Variants in ADGRL3 observed in about 807,000 individuals in gnomAD.
ADGRL3 encodes the protein adhesion G protein-coupled receptor L3.
In ADGRL3, 62 loss-of-function variants were observed where a neutral mutation model predicts 153.5. That is an observed-to-expected ratio of 0.40 (90% confidence interval 0.33 to 0.50). The LOEUF (loss-of-function observed/expected upper bound fraction) is 0.50, where lower values mean the gene tolerates loss of function less well. ADGRL3 is among the 20% of genes least tolerant of loss of function. The pLI is 0.47. For missense variants in ADGRL3, 1,641 were observed against 1,859.4 expected (o/e 0.88, Z 2.16); for synonymous variants, 710 against 672.5 (o/e 1.06, Z -0.86).
intron 1 of ADGRL3, among the ~76,000 whole-genome samples, chr4:61,364,634 T>C (rs1443131037): frequency 2.0e-5 from 3 of 152,134 alleles, no homozygotes; most frequent in African/African-American, 7.2e-5. Flanking sequence ...AGAATAACTA[T>C]TGTAAGATAA....
chr4:61,928,298 C>T (rs951308045), intron 13 of ADGRL3, among the ~76,000 whole-genome samples: 1 of 152,068 alleles, frequency 6.6e-6, no homozygotes, highest in Non-Finnish European at 1.5e-5. Flanking sequence ...CATCAACTTG[C>T]TCATTATGTA....
intron 9 of ADGRL3, among the ~76,000 whole-genome samples, chr4:61,847,448 A>C (rs937941260): frequency 6.7e-6 from 1 of 149,346 alleles, no homozygotes; most frequent in Non-Finnish European, 1.5e-5. Context: ...AATGTCTGCA[A>C]ACCTAAGGGG....
intron 11 of ADGRL3, among the ~76,000 whole-genome samples, chr4:61,898,982 C>A (rs1367175534): frequency 6.7e-6 from 1 of 150,078 alleles, no homozygotes; most frequent in Non-Finnish European, 1.5e-5. Flanking sequence ...CCTTACTGTA[C>A]ACATGGCTGG....
intron 25 of ADGRL3, among the ~76,000 whole-genome samples, chr4:62,061,446 A>C (rs1740109690): frequency 6.6e-6 from 1 of 151,946 alleles, no homozygotes; most frequent in African/African-American, 2.4e-5. Context: ...AGATTTCTTT[A>C]GTTTAACCTG....
chr4:62,047,864 G>A (rs966853620), intron 25 of ADGRL3, among the ~76,000 whole-genome samples: 2 of 152,100 alleles, frequency 1.3e-5, no homozygotes, highest in African/African-American at 4.8e-5. Context: ...CTACTATCAA[G>A]TTAACTTTAG....
At chr4:61,987,902 T>C (rs1239847666) in intron 19 of ADGRL3, among the ~76,000 whole-genome samples, 1 of 152,092 alleles carries the variant, frequency 6.6e-6, no homozygotes, top group African/African-American at 2.4e-5. Flanking sequence ...ATACTGACAA[T>C]GAGGTTTTAT....
At chr4:61,779,260 C>T (rs1455136301) in intron 8 of ADGRL3, among the ~76,000 whole-genome samples, 1 of 151,832 alleles carries the variant, frequency 6.6e-6, no homozygotes, top group African/African-American at 2.4e-5. Context: ...TTTTTAAGGA[C>T]TGTTACAAAG....
chr4:61,644,406 T>G (rs765612147), intron 5 of ADGRL3, among the ~76,000 whole-genome samples: 1 of 152,170 alleles, frequency 6.6e-6, no homozygotes, highest in Non-Finnish European at 1.5e-5. Context: ...AGATCTTTCC[T>G]GCTTTCTCTT....
intron 4 of ADGRL3, among the ~76,000 whole-genome samples, chr4:61,555,456 T>G (rs529515384): frequency 6.6e-6 from 1 of 152,320 alleles, no homozygotes; most frequent in African/African-American, 2.4e-5. Flanking sequence ...TTCATTCTAC[T>G]TCTGTTTCAG....
At chr4:61,595,693 C>A (rs1258341568) in intron 5 of ADGRL3, among the ~76,000 whole-genome samples, 3 of 152,146 alleles carry the variant, frequency 2.0e-5, no homozygotes, top group Non-Finnish European at 4.4e-5. Flanking sequence ...TCACATGCCA[C>A]CCAAGTTCAC....
intron 5 of ADGRL3, among the ~76,000 whole-genome samples, chr4:61,593,973 T>C (rs1390998986): frequency 1.3e-5 from 2 of 152,126 alleles, no homozygotes; most frequent in African/African-American, 4.8e-5. Flanking sequence ...TTTCTAGGCA[T>C]GCTTATTGGT....
chr4:61,849,521 C>A (rs1237506606), intron 9 of ADGRL3, among the ~76,000 whole-genome samples: 2 of 151,814 alleles, frequency 1.3e-5, no homozygotes, highest in African/African-American at 2.4e-5. Context: ...AAACTGGATC[C>A]ATTTTCTCCC....
chr4:61,996,890 C>A (rs2099123541), intron 20 of ADGRL3, among the ~76,000 whole-genome samples: 1 of 151,978 alleles, frequency 6.6e-6, no homozygotes, highest in African/African-American at 2.4e-5. Context: ...GTTTTTAGAT[C>A]CATAATATTC....
At chr4:61,236,008 C>CTTTTCTT (rs1752657239) in intron 1 of ADGRL3, among the ~76,000 whole-genome samples, 1 of 95,852 alleles carries the variant, frequency 1.0e-5, no homozygotes, top group African/African-American at 4.1e-5. Flanking sequence ...CTTTTCTTTT[C>CTTTTCTT]TTTTTTTTTT....
intron 9 of ADGRL3, among the ~76,000 whole-genome samples, chr4:61,867,594 C>G (rs112162660): frequency 7.6e-5 from 11 of 143,822 alleles, no homozygotes; most frequent in African/African-American, 2.8e-4. Context: ...ACTGAGATCC[C>G]TATAACAAAA....
chr4:61,847,650 A>T (rs1428052139), intron 9 of ADGRL3, among the ~76,000 whole-genome samples: 26 of 64,908 alleles, frequency 4.0e-4, no homozygotes, highest in African/African-American at 1.4e-3. Context: ...ATATAATATA[A>T]AATATATTAT....
At chr4:61,883,963 G>A (rs774889865) in intron 9 of ADGRL3, among the ~76,000 whole-genome samples, 1 of 152,110 alleles carries the variant, frequency 6.6e-6, no homozygotes, top group Non-Finnish European at 1.5e-5. Flanking sequence ...AACAGAGTTT[G>A]TGTATTTCTC....
intron 5 of ADGRL3, among the ~76,000 whole-genome samples, chr4:61,672,449 A>G (rs566506301): frequency 6.6e-6 from 1 of 152,130 alleles, no homozygotes; most frequent in Non-Finnish European, 1.5e-5. Context: ...TATATCAGGA[A>G]TTTAAACACC....
Position 62,071,650 on chromosome 4 carries a change from G to T in ADGRL3, c.*742G>T. ...GTTAATGTAGTAGAAAAAAAAAAAA[G>T]AAATTTTCTTTTTCTTTTGTGCTGG... On this transcript the variant is annotated 3_prime_UTR_variant, in exon 27 of 27. Coordinates refer to ENST00000683033, the MANE Select transcript of ADGRL3 (RefSeq NM_001387552.1). 2.8e-6 allele frequency: 1 copy of T among 360,408 alleles called. No homozygotes were observed. The allele number at this position is 360,408 out of a possible 1,614,324, so 22.3% of individuals were successfully genotyped here.
Sources: allele counts gnomAD v4.1 joint callset (sites outside exome capture counted in the v4.1 genomes callset), GRCh38; gene constraint gnomAD v4.1.1; transcripts MANE v1.5; gene names NCBI Gene and HGNC (gene_info 2026-07-23, HGNC 2026-07-21).